The following ESRRG variants were observed in gnomAD, a reference collection of about 807,000 sequenced individuals.
ESRRG encodes the protein estrogen-related receptor gamma.
In ESRRG, 13 loss-of-function variants were observed where a neutral mutation model predicts 44.0. The observed-to-expected ratio is 0.30, with a 90% CI of 0.19 to 0.47. The LOEUF (loss-of-function observed/expected upper bound fraction) is 0.47. Among genes scored for constraint, ESRRG ranks in the 20% least tolerant of loss-of-function variants. ESRRG has a pLI of 1.00. For synonymous variants in ESRRG, 215 were observed against 214.6 expected (o/e 1.00, Z -0.02); for missense variants, 395 against 580.6 (o/e 0.68, Z 3.29).
At chr1:216,972,723 A>G (rs2071953311) in intron 1 of ESRRG, among the ~76,000 whole-genome samples, 1 of 152,216 alleles carries the variant, frequency 6.6e-6, no homozygotes, top group Admixed American at 6.5e-5. Context: ...TAGTCAGAGT[A>G]TTTAATGTCA....
chr1:217,059,097 C>A (rs1289575787), intron 1 of ESRRG, among the ~76,000 whole-genome samples: 1 of 149,064 alleles, frequency 6.7e-6, no homozygotes, highest in Non-Finnish European at 1.5e-5. Flanking sequence ...GGGATCAAAC[C>A]TGAGTGTGAT....
In ESRRG at chr1:216,628,088, G is replaced by A. The variant is rs140169310; in HGVS notation, c.589+22885C>T. ...GATGTATCCTGATGAATCTAAGTAT[G>A]ATATCTTCATGATTAGAATAATGGA... On this transcript the variant is annotated intron_variant, in intron 3 of 6. Coordinates refer to ENST00000408911, the MANE Select transcript of ESRRG (RefSeq NM_001438.4). Among the ~76,000 whole-genome samples, 1,322 of 152,300 alleles carry A rather than the reference G, an allele frequency of 8.7e-3. 8 individuals are homozygous for A. Among genetic ancestry groups the A allele is most frequent in the Admixed American group, 0.014 (216 of 15,292 alleles).
At chr1:216,826,234 C>T (rs897456328) in intron 2 of ESRRG, among the ~76,000 whole-genome samples, 6 of 149,858 alleles carry the variant, frequency 4.0e-5, no homozygotes, top group South Asian at 2.1e-4. Flanking sequence ...GACATACGGA[C>T]GGCATGCAAT....
At chr1:216,858,364 G>T (rs150647365) in intron 2 of ESRRG, among the ~76,000 whole-genome samples, 2,314 of 152,148 alleles carry the variant, frequency 0.015, 73 homozygotes, top group African/African-American at 0.054. Context: ...GTGAACCTGG[G>T]AGGTGGAGCT....
At chr1:217,065,941 A>G (rs1164987662) in intron 1 of ESRRG, among the ~76,000 whole-genome samples, 1 of 152,058 alleles carries the variant, frequency 6.6e-6, no homozygotes, top group Admixed American at 6.6e-5. Context: ...TGTTCCTTAC[A>G]TTTTCTATCA....
chr1:216,564,177 A>T (rs759340974), intron 5 of ESRRG, 42 bp downstream of exon 5: 3 of 1,330,188 alleles, frequency 2.3e-6, no homozygotes, highest in African/African-American at 1.5e-5. Flanking sequence ...CTAGGGAATT[A>T]ATTGCAACCT....
chr1:216,891,531 A>T (rs950682729), intron 2 of ESRRG, among the ~76,000 whole-genome samples: 5 of 152,246 alleles, frequency 3.3e-5, no homozygotes, highest in African/African-American at 1.2e-4. Flanking sequence ...CTGGAAGAAT[A>T]AGCCTGCTTT....
intron 2 of ESRRG, among the ~76,000 whole-genome samples, chr1:216,787,334 G>A (rs958204643): frequency 3.1e-4 from 47 of 152,082 alleles, no homozygotes; most frequent in African/African-American, 1.1e-3. Context: ...GCTGGGTGCA[G>A]TGGTTCACAC....
intron 2 of ESRRG, among the ~76,000 whole-genome samples, chr1:216,901,876 C>T (rs889567236): frequency 2.0e-5 from 3 of 152,112 alleles, no homozygotes; most frequent in South Asian, 2.1e-4. Flanking sequence ...CCTCAGCCCC[C>T]CAAGCATCTG....
At chr1:217,003,077 G>A (rs1167521044) in intron 1 of ESRRG, among the ~76,000 whole-genome samples, 2 of 152,124 alleles carry the variant, frequency 1.3e-5, no homozygotes, top group African/African-American at 4.8e-5. Context: ...ACTTTTGTGA[G>A]ATATGCTTTT....
chr1:216,557,556 T>C (rs2057838163), intron 5 of ESRRG, among the ~76,000 whole-genome samples: 1 of 152,204 alleles, frequency 6.6e-6, no homozygotes, highest in African/African-American at 2.4e-5. Context: ...ACTAATAAGA[T>C]TGAAACTTAC....
intron 2 of ESRRG, among the ~76,000 whole-genome samples, chr1:216,728,609 T>C (rs370834333): frequency 3.3e-5 from 5 of 152,090 alleles, no homozygotes; most frequent in African/African-American, 1.2e-4. Context: ...ATGATCAAAT[T>C]ACCTATCCTA....
chr1:216,902,199 T>G (rs2059155532), intron 2 of ESRRG, among the ~76,000 whole-genome samples: 1 of 152,182 alleles, frequency 6.6e-6, no homozygotes, highest in Non-Finnish European at 1.5e-5. Flanking sequence ...ACATTAAAAA[T>G]GAGAATCGGC....
intron 2 of ESRRG, among the ~76,000 whole-genome samples, chr1:216,895,390 T>C (rs188982467): frequency 6.6e-6 from 1 of 152,296 alleles, no homozygotes; most frequent in Non-Finnish European, 1.5e-5. Flanking sequence ...CATCATGACA[T>C]ATATGGGGAT....
intron 1 of ESRRG, among the ~76,000 whole-genome samples, chr1:217,109,922 C>A (rs1301415320): frequency 6.6e-6 from 1 of 152,162 alleles, no homozygotes; most frequent in South Asian, 2.1e-4. Flanking sequence ...ACACCATATC[C>A]TTAAAGGGTC....
chr1:216,519,814 T>TAAAAAAAAAA (rs147923058), intron 5 of ESRRG, among the ~76,000 whole-genome samples: 9 of 118,950 alleles, frequency 7.6e-5, no homozygotes, highest in East Asian at 4.9e-4. Flanking sequence ...AACATAAAAG[T>TAAAAAAAAAA]AAAAAAAAAA....
chr1:216,711,645 A>G (rs1189247681), intron 1 of ESRRG, among the ~76,000 whole-genome samples: 1 of 152,202 alleles, frequency 6.6e-6, no homozygotes, highest in African/African-American at 2.4e-5. Context: ...CGCAGAAGAC[A>G]TATCAGATAA....
intron 1 of ESRRG, among the ~76,000 whole-genome samples, chr1:217,087,323 C>T (rs997244152): frequency 3.3e-5 from 5 of 152,162 alleles, no homozygotes; most frequent in Non-Finnish European, 7.3e-5. Context: ...CATGCTGATT[C>T]ACATTCAGAA....
intron 2 of ESRRG, among the ~76,000 whole-genome samples, chr1:216,665,672 G>T (rs1419390819): frequency 6.6e-6 from 1 of 152,038 alleles, no homozygotes; most frequent in Non-Finnish European, 1.5e-5. Context: ...TAAAAAAATG[G>T]TTAAGATGGT....
Sources: gnomAD v4.1 joint callset for allele counts (sites outside exome capture counted in the v4.1 genomes callset) on GRCh38, gnomAD v4.1.1 for gene constraint, MANE v1.5 for transcripts, NCBI Gene and HGNC (gene_info 2026-07-23, HGNC 2026-07-21) for gene names.